Variants in SLC45A4 observed in about 807,000 individuals in gnomAD.
The protein encoded by SLC45A4 is polyamine-transporter SLC45A4.
A neutral mutation model predicts 63.7 loss-of-function variants in SLC45A4; 32 were observed. The ratio of observed to expected loss-of-function variants is 0.50; its 90% CI spans 0.38 to 0.67. The LOEUF (loss-of-function observed/expected upper bound fraction) is 0.67, where lower values mean the gene tolerates loss of function less well. Ranked by LOEUF, SLC45A4 falls within the 30% of genes least tolerant of loss-of-function variation. The pLI, the probability that SLC45A4 is intolerant of heterozygous loss-of-function variation, is 0.00. For synonymous variants in SLC45A4, 535 were observed against 510.0 expected (o/e 1.05, Z -0.66); for missense variants, 1,027 against 1,157.7 (o/e 0.89, Z 1.64).
intron 1 of SLC45A4, among the ~76,000 whole-genome samples, chr8:141,259,127 G>A (rs1828940551): frequency 6.6e-6 from 1 of 152,188 alleles, no homozygotes; most frequent in African/African-American, 2.4e-5. Context: ...AACAACTGGT[G>A]TAAAGTTGGC....
chr8:141,307,414 G>A (rs1164580330), intron 1 of SLC45A4, among the ~76,000 whole-genome samples: 1 of 152,174 alleles, frequency 6.6e-6, no homozygotes, highest in Non-Finnish European at 1.5e-5. Flanking sequence ...GTGCCGATGA[G>A]ACCGGGGCAG....
At chr8:141,228,350 G>GGGC (rs1453690457) in intron 2 of SLC45A4, 3 of 1,579,908 alleles carry the variant, frequency 1.9e-6, no homozygotes, top group Non-Finnish European at 2.6e-6. Flanking sequence ...CAACAAGGAG[G>GGGC]GGCGCCTCAA....
Position 141,218,649 on chromosome 8 carries a change from C to T in SLC45A4, c.991G>A (p.Glu331Lys), listed in dbSNP as rs1382541047. ...EPELLFLHDIEPSIFHDASYP... is the reference protein window; with the variant it reads ...EPELLFLHDIKPSIFHDASYP... ...GAGGCGTCGTGGAAGATGGAGGGCT[C>T]GATGTCGTGCAGGAACAGCAGCTCG... The change falls in exon 5 of 9, where the codon GAG becomes AAG. Residue 331 changes from glutamate to lysine, a missense_variant. Transcript: ENST00000517878. 5.6e-6 allele frequency: 9 copies of T among 1,613,258 alleles called. No homozygotes were observed. The highest frequency in any genetic ancestry group is 2.2e-5 in the East Asian group (1 of 44,862).
In SLC45A4 at chr8:141,223,671, T is replaced by C. The variant is rs966823744; in HGVS notation, c.242-1906A>G. Reference sequence around the variant, plus strand: ...CCTGGGAACCCCTCCTGCTGTCCCTTTTCAAACTCCTTGGGGGCCATCCAC... The same window carrying C: ...CCTGGGAACCCCTCCTGCTGTCCCTCTTCAAACTCCTTGGGGGCCATCCAC... On this transcript the variant is annotated intron_variant, in intron 2 of 8. Transcript: ENST00000517878. Among the ~76,000 whole-genome samples, 9 of 152,246 alleles carry C rather than the reference T, an allele frequency of 5.9e-5. No homozygotes were observed. In the South Asian group the frequency reaches 1.7e-3, roughly 28 times the overall value.
intron 1 of SLC45A4, among the ~76,000 whole-genome samples, chr8:141,271,792 A>G (rs1182362415): frequency 6.6e-6 from 1 of 151,840 alleles, no homozygotes; most frequent in Non-Finnish European, 1.5e-5. Context: ...CTGAGTGTAT[A>G]TACACAAGTG....
At chr8:141,303,292 C>T (rs1175129057) in intron 1 of SLC45A4, among the ~76,000 whole-genome samples, 2 of 148,960 alleles carry the variant, frequency 1.3e-5, no homozygotes, top group Non-Finnish European at 3.0e-5. Context: ...CCATCGTGCC[C>T]GGCTAATTTT....
At chr8:141,262,531 A>T (rs1240626631) in intron 1 of SLC45A4, among the ~76,000 whole-genome samples, 4 of 151,994 alleles carry the variant, frequency 2.6e-5, no homozygotes, top group African/African-American at 7.2e-5. Flanking sequence ...GAAAAAAAAC[A>T]ACCCCATCAA....
intron 1 of SLC45A4, among the ~76,000 whole-genome samples, chr8:141,259,954 C>A (rs1828981158): frequency 6.6e-6 from 1 of 152,218 alleles, no homozygotes; most frequent in South Asian, 2.1e-4. Context: ...CCCCACCCCA[C>A]CAGCTATGCT....
chr8:141,270,095 C>T (rs1173099893), intron 1 of SLC45A4, among the ~76,000 whole-genome samples: 1 of 152,166 alleles, frequency 6.6e-6, no homozygotes, highest in Non-Finnish European at 1.5e-5. Flanking sequence ...TCCTGCCCCA[C>T]AGACCCTGAG....
At chr8:141,238,245 C>A (rs1827727169) in intron 2 of SLC45A4, among the ~76,000 whole-genome samples, 1 of 152,230 alleles carries the variant, frequency 6.6e-6, no homozygotes, top group Admixed American at 6.5e-5. Context: ...CTATAAGTCT[C>A]CAGTCAGCAG....
intron 2 of SLC45A4, chr8:141,228,047 GGT>G (rs1827122716): frequency 9.2e-7 from 1 of 1,089,266 alleles, no homozygotes; most frequent in East Asian, 2.4e-5. Context: ...ATTTCTAGAG[GGT>G]GAGGCAGAGC....
At chr8:141,263,262 T>C (rs1401752849) in intron 1 of SLC45A4, among the ~76,000 whole-genome samples, 5 of 151,274 alleles carry the variant, frequency 3.3e-5, no homozygotes, top group South Asian at 2.1e-4. Flanking sequence ...ATACCTAATG[T>C]TAAATGACGA....
chr8:141,248,967 G>C lies in SLC45A4; in HGVS notation c.241+5022C>G, dbSNP rs908296819. On this transcript the variant is annotated intron_variant, in intron 2 of 8. Coordinates refer to ENST00000517878, the MANE Select transcript of SLC45A4 (RefSeq NM_001286646.2). Reference sequence around the variant, plus strand: ...AGGGAGGTCATGGCTGCAGTAAGTTGTGATAGTGCTGTGGCACTCCAGCCT... The same window carrying C: ...AGGGAGGTCATGGCTGCAGTAAGTTCTGATAGTGCTGTGGCACTCCAGCCT... 2.0e-5 allele frequency among the ~76,000 whole-genome samples: 3 copies of C among 148,624 alleles called. No individual in the cohort carries two copies. The Admixed American group carries it at 2.0e-4, about 10-fold the overall frequency.
intron 1 of SLC45A4, among the ~76,000 whole-genome samples, chr8:141,288,268 C>A (rs896519640): frequency 1.3e-5 from 2 of 152,208 alleles, no homozygotes; most frequent in African/African-American, 4.8e-5. Flanking sequence ...TCAAAACCTG[C>A]AGAAGGCTGG....
At chr8:141,277,036 G>A (rs956465042) in intron 1 of SLC45A4, among the ~76,000 whole-genome samples, 3 of 152,248 alleles carry the variant, frequency 2.0e-5, no homozygotes, top group Non-Finnish European at 2.9e-5. Flanking sequence ...GCAAGGGAAG[G>A]CAGGCAGAGC....
intron 1 of SLC45A4, among the ~76,000 whole-genome samples, chr8:141,299,036 CG>C (rs58068173): frequency 0.12 from 18,277 of 152,124 alleles, 1,760 homozygotes; most frequent in East Asian, 0.43. Context: ...GCTGGGCGCC[CG>C]GCACGGATGC....
chr8:141,214,704 G>A (rs1826033063), intron 7 of SLC45A4, among the ~76,000 whole-genome samples: 1 of 152,188 alleles, frequency 6.6e-6, no homozygotes, highest in Non-Finnish European at 1.5e-5. Context: ...ACTAGTGAGA[G>A]ACAGTTGACA....
intron 1 of SLC45A4, among the ~76,000 whole-genome samples, chr8:141,296,667 C>A (rs1420896288): frequency 2.0e-5 from 3 of 150,564 alleles, no homozygotes; most frequent in Non-Finnish European, 4.4e-5. Flanking sequence ...GAAACCCCAT[C>A]CCTATTAAAA....
At chr8:141,299,762 C>A (rs1197698987) in intron 1 of SLC45A4, among the ~76,000 whole-genome samples, 1 of 152,248 alleles carries the variant, frequency 6.6e-6, no homozygotes, top group Non-Finnish European at 1.5e-5. Context: ...CTGGACTCTG[C>A]TGTACCTGTT....
Sources: gnomAD v4.1 joint callset for allele counts (sites outside exome capture counted in the v4.1 genomes callset) on GRCh38, gnomAD v4.1.1 for gene constraint, MANE v1.5 for transcripts, NCBI Gene and HGNC (gene_info 2026-07-23, HGNC 2026-07-21) for gene names.